The following CREB5 variants were observed in gnomAD, a reference collection of about 807,000 sequenced individuals.
CREB5 encodes the protein cyclic AMP-responsive element-binding protein 5.
CREB5 carries 19 observed loss-of-function variants against 57.1 expected under a neutral mutation model. That is an observed-to-expected ratio of 0.33 (90% CI 0.23 to 0.49). CREB5 has a LOEUF of 0.49. CREB5 is among the 20% of genes least tolerant of loss of function. The probability of loss-of-function intolerance (pLI) is 0.99; values close to 1 mark genes in which losing one functional copy is unlikely to be tolerated. For synonymous variants in CREB5, 238 were observed against 238.3 expected (o/e 1.00, Z 0.01); for missense variants, 579 against 671.6 (o/e 0.86, Z 1.52).
intron 5 of CREB5, among the ~76,000 whole-genome samples, chr7:28,636,894 G>A (rs758497670): frequency 3.5e-4 from 53 of 152,120 alleles, no homozygotes; most frequent in Non-Finnish European, 1.9e-4. Context: ...AGTGGCTCAT[G>A]CCTGTACCCA....
At chr7:28,633,500 AAG>A (rs971260468) in intron 5 of CREB5, among the ~76,000 whole-genome samples, 13 of 152,152 alleles carry the variant, frequency 8.5e-5, no homozygotes, top group Admixed American at 5.2e-4. Flanking sequence ...TTCAGAGAAA[AAG>A]CACTCTGGAG....
chr7:28,361,003 T>G (rs1786464744), intron 1 of CREB5, among the ~76,000 whole-genome samples: 1 of 152,088 alleles, frequency 6.6e-6, no homozygotes, highest in African/African-American at 2.4e-5. Context: ...CCAGGGATGC[T>G]GCTGAACATC....
intron 1 of CREB5, among the ~76,000 whole-genome samples, chr7:28,315,706 C>T (rs1217425932): frequency 6.6e-6 from 1 of 152,236 alleles, no homozygotes; most frequent in South Asian, 2.1e-4. Context: ...TCTTAATTCA[C>T]CTTCCTGTGT....
chr7:28,459,315 G>A (rs1025127326), intron 1 of CREB5, among the ~76,000 whole-genome samples: 1 of 152,152 alleles, frequency 6.6e-6, no homozygotes, highest in Non-Finnish European at 1.5e-5. Flanking sequence ...TGAGTTTTCA[G>A]GTTGGCTGTC....
chr7:28,536,279 C>T (rs1202586806), intron 4 of CREB5, among the ~76,000 whole-genome samples: 5 of 152,212 alleles, frequency 3.3e-5, no homozygotes, highest in Non-Finnish European at 5.9e-5. Context: ...TTGGACTTCG[C>T]AGAGCCGTCT....
intron 1 of CREB5, among the ~76,000 whole-genome samples, chr7:28,468,782 T>C (rs1375563910): frequency 6.6e-6 from 1 of 152,192 alleles, no homozygotes; most frequent in Non-Finnish European, 1.5e-5. Flanking sequence ...ATAGCTAGCT[T>C]CTCCTTCCAT....
intron 7 of CREB5, among the ~76,000 whole-genome samples, chr7:28,786,392 A>G (rs748528008): frequency 2.6e-5 from 4 of 152,224 alleles, no homozygotes; most frequent in East Asian, 1.9e-4. Context: ...GATTACAGTC[A>G]TGCACCACCA....
At chr7:28,504,318 C>A (rs1186716783) in intron 3 of CREB5, among the ~76,000 whole-genome samples, 1 of 152,186 alleles carries the variant, frequency 6.6e-6, no homozygotes, top group Non-Finnish European at 1.5e-5. Flanking sequence ...GTAAATCACA[C>A]CTTATTTAGA....
intron 9 of CREB5, among the ~76,000 whole-genome samples, chr7:28,816,060 C>G (rs917840713): frequency 6.8e-6 from 1 of 147,404 alleles, no homozygotes; most frequent in Admixed American, 6.7e-5. Flanking sequence ...TATACGCACA[C>G]ACACACACAC....
At chr7:28,687,212 G>T (rs561869610) in intron 5 of CREB5, among the ~76,000 whole-genome samples, 82 of 152,234 alleles carry the variant, frequency 5.4e-4, no homozygotes, top group African/African-American at 1.9e-3. Flanking sequence ...ACATTCTGTT[G>T]TTCCACGTGC....
intron 5 of CREB5, among the ~76,000 whole-genome samples, chr7:28,583,316 CAGT>C (rs1796186540): frequency 6.6e-6 from 1 of 152,162 alleles, no homozygotes; most frequent in Non-Finnish European, 1.5e-5. Flanking sequence ...CCGGGAGAAC[CAGT>C]GATGCCATCA....
chr7:28,814,487 G>A (rs1809306029), intron 9 of CREB5, among the ~76,000 whole-genome samples: 1 of 152,184 alleles, frequency 6.6e-6, no homozygotes, highest in Non-Finnish European at 1.5e-5. Flanking sequence ...AGATTTAGAA[G>A]CATAAGAGGT....
chr7:28,451,711 C>A (rs1383622171), intron 1 of CREB5, among the ~76,000 whole-genome samples: 1 of 151,938 alleles, frequency 6.6e-6, no homozygotes. Flanking sequence ...GTATGGCGGT[C>A]CTACAGGAGC....
chr7:28,525,302 C>T lies in CREB5; in HGVS notation c.291+17565C>T, dbSNP rs547475442. 4.2e-4 allele frequency among the ~76,000 whole-genome samples: 64 copies of T among 152,066 alleles called. No individual in the cohort carries two copies. The South Asian group carries it at 0.011, about 27-fold the overall frequency. On this transcript the variant is annotated intron_variant, in intron 4 of 10. Transcript: ENST00000357727. ...CAATAAATGTGGAAGAGCAGGTATC[C>T]CTTTGATAAACTAGTTTTATTTCCT...
chr7:28,336,433 T>A (rs140678347), intron 1 of CREB5, among the ~76,000 whole-genome samples: 4 of 152,050 alleles, frequency 2.6e-5, no homozygotes, highest in East Asian at 1.9e-4. Context: ...GTAGGTTGTA[T>A]GTGTGTAGTA....
At chr7:28,308,801 G>A (rs577453485) in intron 1 of CREB5, among the ~76,000 whole-genome samples, 52 of 152,322 alleles carry the variant, frequency 3.4e-4, no homozygotes, top group African/African-American at 1.2e-3. Context: ...AATGAGTTGA[G>A]ATCTTTTCTG....
chr7:28,428,527 T>C (rs922054088), intron 1 of CREB5, among the ~76,000 whole-genome samples: 3 of 152,244 alleles, frequency 2.0e-5, no homozygotes, highest in Middle Eastern at 6.8e-3. Context: ...CAGGACTTGC[T>C]GAGGGATTGG....
Position 28,704,971 on chromosome 7 carries a change from A to C in CREB5, c.465-13782A>C, listed in dbSNP as rs548373794. Among the ~76,000 whole-genome samples, 73 of 152,136 alleles carry C rather than the reference A, an allele frequency of 4.8e-4. 1 individual carries two copies. Among genetic ancestry groups the C allele is most frequent in the Non-Finnish European group, 2.5e-4 (17 of 67,982 alleles). On this transcript the variant is annotated intron_variant, in intron 5 of 10. Transcript: ENST00000357727. ...CATATTCAAAGCCATATCATGCAGG[A>C]CTCAGTTACTTCACTTTGTCATTTT... is the stretch of plus-strand genomic sequence containing the variant.
chr7:28,531,714 G>C (rs1793737761), intron 4 of CREB5, among the ~76,000 whole-genome samples: 1 of 152,172 alleles, frequency 6.6e-6, no homozygotes, highest in Non-Finnish European at 1.5e-5. Flanking sequence ...GGCCAACAGA[G>C]AGGGGTATGG....
Sources: allele counts gnomAD v4.1 joint callset (sites outside exome capture counted in the v4.1 genomes callset), GRCh38; gene constraint gnomAD v4.1.1; transcripts MANE v1.5; gene names NCBI Gene and HGNC (gene_info 2026-07-23, HGNC 2026-07-21).